The following FUT9 variants were observed in gnomAD, a reference collection of about 807,000 sequenced individuals.
The protein encoded by FUT9 is fucosyltransferase 9.
FUT9 carries 15 observed loss-of-function variants against 29.7 expected under a neutral mutation model. The observed-to-expected ratio is 0.51, with a 90% CI of 0.34 to 0.78. The LOEUF is 0.78. FUT9 is among the 30% of genes least tolerant of loss of function. FUT9 has a pLI of 0.01. For missense variants in FUT9, 319 were observed against 425.4 expected, an observed-to-expected ratio of 0.75 and a Z score of 2.20; for synonymous variants, 169 against 153.7, an observed-to-expected ratio of 1.10 and a Z score of -0.74.
chr6:96,141,737 T>C (rs1219387836), intron 2 of FUT9, among the ~76,000 whole-genome samples: 2 of 152,134 alleles, frequency 1.3e-5, no homozygotes, highest in African/African-American at 2.4e-5. Context: ...AATCCAGGGA[T>C]TGTGGGAGAT....
chr6:96,126,886 T>C (rs1014099979), intron 2 of FUT9, among the ~76,000 whole-genome samples: 4 of 152,224 alleles, frequency 2.6e-5, no homozygotes, highest in African/African-American at 7.2e-5. Context: ...GAGCCATCTG[T>C]AATAATATTA....
At chr6:96,155,682 AAAGG>A (rs1244284984) in intron 2 of FUT9, among the ~76,000 whole-genome samples, 21 of 151,396 alleles carry the variant, frequency 1.4e-4, no homozygotes, top group South Asian at 4.1e-4. Context: ...AAAAAAAAAA[AAAGG>A]AAAGAAAGAA....
At chr6:96,064,426 G>A (rs1562113336) in intron 1 of FUT9, among the ~76,000 whole-genome samples, 1 of 152,100 alleles carries the variant, frequency 6.6e-6, no homozygotes, top group East Asian at 1.9e-4. Context: ...AAGAGAATGT[G>A]ACTGACTTGC....
chr6:96,111,808 A>G (rs1771814026), intron 1 of FUT9, among the ~76,000 whole-genome samples: 1 of 152,202 alleles, frequency 6.6e-6, no homozygotes, highest in African/African-American at 2.4e-5. Context: ...ATATATGTAT[A>G]TATGACAGAT....
At chr6:96,187,605 A>G (rs1378811954) in intron 2 of FUT9, among the ~76,000 whole-genome samples, 1 of 152,294 alleles carries the variant, frequency 6.6e-6, no homozygotes, top group East Asian at 1.9e-4. Context: ...GGATCAAACT[A>G]TCACAATATA....
intron 1 of FUT9, among the ~76,000 whole-genome samples, chr6:96,103,192 A>T (rs1582231285): frequency 1.3e-5 from 2 of 152,328 alleles, no homozygotes; most frequent in South Asian, 4.1e-4. Flanking sequence ...TTTTAAGTTC[A>T]GTCAGGGCAA....
At chr6:96,158,285 G>T (rs1329343023) in intron 2 of FUT9, among the ~76,000 whole-genome samples, 1 of 151,984 alleles carries the variant, frequency 6.6e-6, no homozygotes, top group Non-Finnish European at 1.5e-5. Context: ...ATGGACAGAT[G>T]GTGGACAAGG....
At chr6:96,033,259 C>T (rs1471772021) in intron 1 of FUT9, among the ~76,000 whole-genome samples, 1 of 151,672 alleles carries the variant, frequency 6.6e-6, no homozygotes, top group Non-Finnish European at 1.5e-5. Context: ...ATTGGATTGA[C>T]TTTCACTGAA....
rs564607718 is a variant in FUT9, at chr6:96,134,897, T to C, written c.-9+20770T>C. Among the ~76,000 whole-genome samples the C allele has an allele frequency of 6.6e-5, 10 of 152,018 alleles. No individual in the cohort carries two copies. In the East Asian group the frequency reaches 1.7e-3, roughly 26 times the overall value. On this transcript the variant is annotated intron_variant, in intron 2 of 2. Transcript: ENST00000302103. ...ATAATTTAAATTATTTTTTGATAAATAATAGAAATTCTACTTTGCAGGACC... is the reference window on the plus strand; with the variant it reads ...ATAATTTAAATTATTTTTTGATAAACAATAGAAATTCTACTTTGCAGGACC...
At chr6:96,169,642 T>G (rs755421066) in intron 2 of FUT9, among the ~76,000 whole-genome samples, 3 of 152,132 alleles carry the variant, frequency 2.0e-5, no homozygotes, top group Admixed American at 6.5e-5. Flanking sequence ...CTTTCGCTCT[T>G]TAGGTTTTTT....
intron 2 of FUT9, among the ~76,000 whole-genome samples, chr6:96,163,458 T>C (rs542615133): frequency 1.3e-5 from 2 of 152,326 alleles, no homozygotes; most frequent in East Asian, 3.9e-4. Context: ...CCTGTAACAG[T>C]AGCTGAGCTG....
At chr6:96,044,868 A>G (rs766895002) in intron 1 of FUT9, among the ~76,000 whole-genome samples, 1 of 152,212 alleles carries the variant, frequency 6.6e-6, no homozygotes, top group African/African-American at 2.4e-5. Context: ...GCTTAGTGTA[A>G]GTGAATTTAC....
At chr6:96,081,667 G>A (rs750243928) in intron 1 of FUT9, among the ~76,000 whole-genome samples, 9 of 151,878 alleles carry the variant, frequency 5.9e-5, no homozygotes, top group Non-Finnish European at 1.3e-4. Flanking sequence ...AAGTATGTGC[G>A]AGAGGTTCTA....
At chr6:96,202,428 C>T (rs1412945772) in intron 2 of FUT9, among the ~76,000 whole-genome samples, 1 of 152,046 alleles carries the variant, frequency 6.6e-6, no homozygotes, top group Non-Finnish European at 1.5e-5. Context: ...TTGATTATTA[C>T]ATCTTGGTAG....
rs918663108 is a variant in FUT9, at chr6:96,137,836, G to A, written c.-9+23709G>A. 7.9e-5 allele frequency among the ~76,000 whole-genome samples: 12 copies of A among 152,060 alleles called. 1 individual carries two copies. Among genetic ancestry groups the A allele is most frequent in the South Asian group, 4.2e-4 (2 of 4,806 alleles). On this transcript the variant is annotated intron_variant, in intron 2 of 2. Coordinates refer to ENST00000302103, the MANE Select transcript of FUT9 (RefSeq NM_006581.4). ...GTTAAAAATAGAGGGAACTGGATTT[G>A]GAACATACAACAACTTTCTCTACTC...
At chr6:96,164,082 G>T (rs1389823697) in intron 2 of FUT9, among the ~76,000 whole-genome samples, 2 of 152,032 alleles carry the variant, frequency 1.3e-5, no homozygotes, top group Admixed American at 6.6e-5. Context: ...TTTGGTTCAG[G>T]ATGCAGAACC....
chr6:96,059,075 T>A (rs1306719971), intron 1 of FUT9, among the ~76,000 whole-genome samples: 1 of 152,210 alleles, frequency 6.6e-6, no homozygotes, highest in Non-Finnish European at 1.5e-5. Flanking sequence ...GTGGTGTTTT[T>A]AAATAAAAAG....
chr6:96,174,699 A>G (rs1378598061), intron 2 of FUT9, among the ~76,000 whole-genome samples: 2 of 152,172 alleles, frequency 1.3e-5, no homozygotes, highest in Non-Finnish European at 2.9e-5. Flanking sequence ...CCAGGAAAAG[A>G]AACAATAAAG....
At chr6:96,100,877 A>G (rs1771575437) in intron 1 of FUT9, among the ~76,000 whole-genome samples, 1 of 152,210 alleles carries the variant, frequency 6.6e-6, no homozygotes, top group Non-Finnish European at 1.5e-5. Context: ...CTTGGCTGTG[A>G]CAATGTATTA....
Sources: allele counts gnomAD v4.1 joint callset (sites outside exome capture counted in the v4.1 genomes callset), GRCh38; gene constraint gnomAD v4.1.1; transcripts MANE v1.5; gene names NCBI Gene and HGNC (gene_info 2026-07-23, HGNC 2026-07-21).